The following PABPC4L variants were observed in gnomAD, a reference collection of about 807,000 sequenced individuals.
The protein encoded by PABPC4L is polyadenylate-binding protein 4-like.
For synonymous variants in PABPC4L, 169 were observed against 164.1 expected (o/e 1.03, Z -0.23); for missense variants, 452 against 451.4 (o/e 1.00, Z -0.01).
At chr4:133,980,453 T>A in the PABPC4L span, among the ~76,000 whole-genome samples, 1 of 152,330 alleles carries the variant, frequency 6.6e-6, no homozygotes, top group South Asian at 2.1e-4. Flanking sequence ...TATTACTTTT[T>A]GTTTGTTTAG....
At chr4:134,101,897 T>A in the PABPC4L span, among the ~76,000 whole-genome samples, 1 of 151,508 alleles carries the variant, frequency 6.6e-6, no homozygotes, top group Non-Finnish European at 1.5e-5. Context: ...CAAAATAGCA[T>A]ATGTTTCATT....
At chr4:133,989,985 A>G in the PABPC4L span, among the ~76,000 whole-genome samples, 6 of 151,994 alleles carry the variant, frequency 3.9e-5, no homozygotes, top group Non-Finnish European at 8.8e-5. Flanking sequence ...AAGATCTCAT[A>G]ACTCACTCAC....
At chr4:134,044,288 G>C in the PABPC4L span, among the ~76,000 whole-genome samples, 1 of 151,354 alleles carries the variant, frequency 6.6e-6, no homozygotes, top group Admixed American at 6.6e-5. Flanking sequence ...TTTTTTGAGA[G>C]AGTCTCACTC....
the PABPC4L span, among the ~76,000 whole-genome samples, chr4:134,097,666 A>G: frequency 1.3e-5 from 2 of 151,892 alleles, no homozygotes; most frequent in African/African-American, 4.8e-5. Flanking sequence ...GGTGTCTGGC[A>G]TCCTTCTCAG....
intron 1 of PABPC4L, 106 bp from the exon 2 acceptor site, chr4:134,201,351 A>C (rs1399824027): frequency 1.7e-6 from 2 of 1,195,910 alleles, no homozygotes; most frequent in Admixed American, 3.3e-5. Flanking sequence ...CATTCTCCAC[A>C]GACGCCCTGG....
At chr4:134,029,837 G>T in the PABPC4L span, among the ~76,000 whole-genome samples, 4 of 151,816 alleles carry the variant, frequency 2.6e-5, no homozygotes, top group African/African-American at 4.8e-5. Context: ...TTGAATTGTA[G>T]TTCCAATAAT....
At chr4:134,183,644 T>C in the PABPC4L span, among the ~76,000 whole-genome samples, 1 of 151,792 alleles carries the variant, frequency 6.6e-6, no homozygotes, top group Non-Finnish European at 1.5e-5. Context: ...AAATAAAAGT[T>C]AGAAGTAAAT....
At chr4:134,142,467 G>T in the PABPC4L span, among the ~76,000 whole-genome samples, 73,614 of 151,362 alleles carry the variant, frequency 0.49, 21,500 homozygotes, top group East Asian at 0.98. Context: ...AGTGACAAAT[G>T]TATCCGATGC....
At chr4:133,995,759 C>A in the PABPC4L span, among the ~76,000 whole-genome samples, 1 of 152,230 alleles carries the variant, frequency 6.6e-6, no homozygotes, top group East Asian at 1.9e-4. Flanking sequence ...TCTCGCCCGG[C>A]CACTTGATTC....
At chr4:134,063,497 A>T in the PABPC4L span, among the ~76,000 whole-genome samples, 3 of 152,172 alleles carry the variant, frequency 2.0e-5, no homozygotes, top group South Asian at 4.1e-4. Context: ...TATGTATTTG[A>T]TAAAAAATAG....
chr4:134,183,790 AAAG>A, the PABPC4L span, among the ~76,000 whole-genome samples: 33 of 152,042 alleles, frequency 2.2e-4, no homozygotes, highest in East Asian at 3.3e-3. Context: ...TATTGTTGAA[AAAG>A]AAGAAGACCA....
At chr4:134,030,637 A>G in the PABPC4L span, among the ~76,000 whole-genome samples, 3 of 150,796 alleles carry the variant, frequency 2.0e-5, no homozygotes, top group Non-Finnish European at 4.4e-5. Flanking sequence ...CAGTTTTCTA[A>G]TAATTCTTGA....
the PABPC4L span, among the ~76,000 whole-genome samples, chr4:134,091,657 T>C: frequency 6.6e-6 from 1 of 151,820 alleles, no homozygotes; most frequent in Non-Finnish European, 1.5e-5. Flanking sequence ...GATAATTATA[T>C]ATAAATATAG....
At chr4:134,146,434 G>A in the PABPC4L span, among the ~76,000 whole-genome samples, 5 of 151,862 alleles carry the variant, frequency 3.3e-5, no homozygotes, top group Non-Finnish European at 7.4e-5. Flanking sequence ...TTAGTTTGGA[G>A]AATGAGAAAA....
chr4:134,127,731 A>T, the PABPC4L span, among the ~76,000 whole-genome samples: 2 of 152,122 alleles, frequency 1.3e-5, no homozygotes, highest in East Asian at 3.9e-4. Flanking sequence ...TGGTAATATG[A>T]TAAAACAAGG....
the PABPC4L span, among the ~76,000 whole-genome samples, chr4:134,111,211 T>G: frequency 6.3e-3 from 955 of 152,052 alleles, 8 homozygotes; most frequent in African/African-American, 0.022. Flanking sequence ...AGGGGCAAAC[T>G]CCCTTCACTA....
chr4:134,194,351 A>C (rs1729597065), downstream of PABPC4L, among the ~76,000 whole-genome samples: 4 of 151,720 alleles, frequency 2.6e-5, no homozygotes, highest in Admixed American at 2.6e-4. Flanking sequence ...CCGGGGTGGG[A>C]AGTTTCATTC....
the PABPC4L span, among the ~76,000 whole-genome samples, chr4:133,972,382 T>G: frequency 6.6e-6 from 1 of 152,124 alleles, no homozygotes; most frequent in East Asian, 1.9e-4. Context: ...CTTGGACAGA[T>G]ATAGCAAATA....
chr4:134,171,879 G>C, the PABPC4L span, among the ~76,000 whole-genome samples: 2 of 151,926 alleles, frequency 1.3e-5, no homozygotes, highest in South Asian at 4.2e-4. Flanking sequence ...CAACATCCAA[G>C]CTGACAGACA....
Sources: allele counts gnomAD v4.1 joint callset (sites outside exome capture counted in the v4.1 genomes callset), GRCh38; gene constraint gnomAD v4.1.1; transcripts MANE v1.5; gene names NCBI Gene and HGNC (gene_info 2026-07-23, HGNC 2026-07-21).